NUP93: variants seen among roughly 807,000 people sequenced by gnomAD.
NUP93 encodes nuclear pore complex protein Nup93.
Under a neutral mutation model 107.8 loss-of-function variants are expected in NUP93, and 55 were observed. The observed-to-expected ratio is 0.51, with a 90% CI of 0.41 to 0.64. NUP93 has a LOEUF of 0.64. Among genes scored for constraint, NUP93 ranks in the 30% least tolerant of loss-of-function variants. The probability of loss-of-function intolerance (pLI) is 0.00; values close to 1 mark genes in which losing one functional copy is unlikely to be tolerated. For missense variants in NUP93, 937 were observed against 1,044.7 expected (o/e 0.90, Z 1.42); for synonymous variants, 390 against 397.5 (o/e 0.98, Z 0.22).
intron 1 of NUP93, among the ~76,000 whole-genome samples, chr16:56,746,710 C>G (rs1316060217): frequency 3.9e-5 from 6 of 152,234 alleles, no homozygotes; most frequent in African/African-American, 1.4e-4. Flanking sequence ...TATTTGCCAA[C>G]ATGGCAAAAC....
rs555099198 is a variant in NUP93, at chr16:56,832,067, G to A, written c.1251+60G>A. 92 of 1,589,510 alleles carry A rather than the reference G, an allele frequency of 5.8e-5. No individual in the cohort carries two copies. In the East Asian group the frequency reaches 7.6e-4, roughly 13 times the overall value. On this transcript the variant is annotated intron_variant, in intron 11 of 21. Coordinates refer to ENST00000308159, the MANE Select transcript of NUP93 (RefSeq NM_014669.5). ...ACCCCTTTTCTGTGCTCAAGTCCCC[G>A]CAAAGATTTTACCTGCTTAATGTAT...
intron 3 of NUP93, among the ~76,000 whole-genome samples, chr16:56,761,553 A>G (rs1458653147): frequency 2.5e-5 from 2 of 78,778 alleles, no homozygotes; most frequent in South Asian, 1.3e-3. Context: ...TTGTTTTTCA[A>G]TCAATGCATT....
intron 5 of NUP93, among the ~76,000 whole-genome samples, chr16:56,808,113 ATATT>A (rs1307286843): frequency 7.7e-6 from 1 of 130,606 alleles, no homozygotes; most frequent in African/African-American, 2.9e-5. Flanking sequence ...ATATAAATAT[ATATT>A]ATATAACTAT....
At chr16:56,822,001 A>G (rs1963553455) in intron 7 of NUP93, among the ~76,000 whole-genome samples, 1 of 147,250 alleles carries the variant, frequency 6.8e-6, no homozygotes, top group East Asian at 2.0e-4. Flanking sequence ...CATTCTTTAT[A>G]TACCACTGGT....
At chr16:56,789,051 G>C (rs898864146) in intron 3 of NUP93, among the ~76,000 whole-genome samples, 3 of 152,084 alleles carry the variant, frequency 2.0e-5, no homozygotes, top group Non-Finnish European at 4.4e-5. Flanking sequence ...TGGAGGGGTG[G>C]TAGTAGGTAG....
chr16:56,754,223 C>G (rs1961976662), intron 2 of NUP93, among the ~76,000 whole-genome samples: 1 of 152,094 alleles, frequency 6.6e-6, no homozygotes, highest in African/African-American at 2.4e-5. Context: ...CCCCTATGGT[C>G]CAGTCATCTC....
intron 2 of NUP93, among the ~76,000 whole-genome samples, chr16:56,753,145 A>G (rs191968667): frequency 7.2e-4 from 109 of 152,358 alleles, no homozygotes; most frequent in African/African-American, 2.5e-3. Context: ...GGGTAATTAC[A>G]TAGTTGATTT....
chr16:56,788,395 G>T (rs1304194989), intron 3 of NUP93, among the ~76,000 whole-genome samples: 3 of 152,188 alleles, frequency 2.0e-5, no homozygotes, highest in Non-Finnish European at 4.4e-5. Context: ...AAGGAAAGTT[G>T]CTTCTACAAC....
At chr16:56,756,905 T>C (rs1596774592) in intron 2 of NUP93, among the ~76,000 whole-genome samples, 1 of 152,172 alleles carries the variant, frequency 6.6e-6, no homozygotes, top group Non-Finnish European at 1.5e-5. Context: ...GATATTGAGC[T>C]TTTTTTCATA....
rs139914016 is a variant in NUP93 at position 56,796,432 on chromosome 16, A to G, written c.298-2044A>G. On this transcript the variant is annotated intron_variant, in intron 3 of 21. Transcript: ENST00000308159. ...CTATACCATCTAGGTTTGTGTAAGTATATTCTGTGGTGTTCACACAATGAT... is the reference window on the plus strand; with the variant it reads ...CTATACCATCTAGGTTTGTGTAAGTGTATTCTGTGGTGTTCACACAATGAT... Among the ~76,000 whole-genome samples, 617 of 152,326 alleles carry G rather than the reference A, an allele frequency of 4.1e-3. 5 individuals carry two copies. Among genetic ancestry groups the G allele is most frequent in the African/African-American group, 0.014 (570 of 41,574 alleles).
intron 3 of NUP93, among the ~76,000 whole-genome samples, chr16:56,790,248 G>A (rs1171145404): frequency 1.3e-5 from 2 of 152,172 alleles, no homozygotes; most frequent in Non-Finnish European, 2.9e-5. Context: ...GTAAGCTGAC[G>A]TTTTATATAT....
chr16:56,844,977 T>C lies in NUP93; in HGVS notation c.*368T>C. On this transcript the variant is annotated 3_prime_UTR_variant, in exon 22 of 22. Coordinates refer to ENST00000308159, the MANE Select transcript of NUP93 (RefSeq NM_014669.5). ...AAAGCCTTTGGGAGTTACTTTTATT[T>C]AGATATAATATTCCATATAGCAGAG... is the stretch of plus-strand genomic sequence containing the variant. The C allele has an allele frequency of 9.6e-6, 3 of 312,006 alleles. No individual in the cohort carries two copies. The highest frequency in any genetic ancestry group is 9.9e-5 in the Admixed American group (2 of 20,136). 19.3% of individuals were successfully genotyped at this position (312,006 alleles called of 1,614,324 possible). A position where few individuals can be genotyped will look rare whatever the true frequency, so the allele number is the denominator to read the frequency against.
At chr16:56,731,454 C>T (rs1961533814) in intron 1 of NUP93, among the ~76,000 whole-genome samples, 1 of 150,772 alleles carries the variant, frequency 6.6e-6, no homozygotes, top group African/African-American at 2.4e-5. Flanking sequence ...GTCTGGAGTG[C>T]AGTGGTGCGA....
intron 4 of NUP93, 97 bp from the exon 5 acceptor site, chr16:56,805,407 T>C: frequency 2.3e-6 from 3 of 1,301,788 alleles, no homozygotes; most frequent in Non-Finnish European, 3.2e-6. Context: ...TATGGAGAAG[T>C]GGTTGGTCTG....
At chr16:56,738,438 C>T (rs1226435266) in intron 1 of NUP93, among the ~76,000 whole-genome samples, 1 of 152,196 alleles carries the variant, frequency 6.6e-6, no homozygotes, top group African/African-American at 2.4e-5. Context: ...TTATTGCAAA[C>T]ATTGAGTCAC....
chr16:56,815,300 CTG>C (rs1320465891), intron 5 of NUP93, among the ~76,000 whole-genome samples: 2 of 152,142 alleles, frequency 1.3e-5, no homozygotes, highest in Non-Finnish European at 2.9e-5. Context: ...TGTAAAAAGA[CTG>C]TGGAATCTCC....
At chr16:56,738,245 T>C (rs7184359) in intron 1 of NUP93, among the ~76,000 whole-genome samples, 47,255 of 152,152 alleles carry the variant, frequency 0.31, 7,679 homozygotes, top group East Asian at 0.46. Context: ...AGCCAAGCTG[T>C]AGTCCACAGC....
chr16:56,807,126 CTGT>C (rs1567397502), intron 5 of NUP93, among the ~76,000 whole-genome samples: 2 of 152,174 alleles, frequency 1.3e-5, no homozygotes, highest in South Asian at 2.1e-4. Context: ...GCTGCTTTCC[CTGT>C]TGTTCTTGCT....
chr16:56,764,628 G>A (rs1962186286), intron 3 of NUP93, among the ~76,000 whole-genome samples: 1 of 152,194 alleles, frequency 6.6e-6, no homozygotes. Context: ...AGGAAAAGTA[G>A]TTGCTCACTA....
Sources: gnomAD v4.1 joint callset for allele counts (sites outside exome capture counted in the v4.1 genomes callset) on GRCh38, gnomAD v4.1.1 for gene constraint, MANE v1.5 for transcripts, NCBI Gene and HGNC (gene_info 2026-07-23, HGNC 2026-07-21) for gene names.